Variants in RIPOR1 observed in about 807,000 individuals in gnomAD.
The protein encoded by RIPOR1 is RHO family interacting cell polarization regulator 1.
In RIPOR1, 58 loss-of-function variants were observed where a neutral mutation model predicts 116.5. That is an observed-to-expected ratio of 0.50 (90% confidence interval 0.40 to 0.62). The LOEUF is 0.62. RIPOR1 is among the 20% of genes least tolerant of loss of function. The pLI, the probability that RIPOR1 is intolerant of heterozygous loss-of-function variation, is 0.00. For synonymous variants in RIPOR1, 605 were observed against 650.0 expected, an observed-to-expected ratio of 0.93 and a Z score of 1.05; for missense variants, 1,372 against 1,586.2, an observed-to-expected ratio of 0.86 and a Z score of 2.29.
chr16:67,537,416 G>A lies in RIPOR1; in HGVS notation c.-23-1008G>A, dbSNP rs2050822017. On this transcript the variant is annotated intron_variant, in intron 1 of 21. Transcript: ENST00000042381. This position sits in a 1 kb window ranked among gnomAD's most constrained non-coding sequence, Gnocchi z 4.6. The stretch of plus-strand genomic sequence containing the variant: ...CGGTCCCGCCCCATCCAGGCGGGCT[G>A]AGTCAGGCGGCAGGAACTGGGCGGG... 8.1e-7 allele frequency: 1 copy of A among 1,239,974 alleles called. No homozygotes were observed. The highest frequency in any genetic ancestry group is 1.0e-6 in the Non-Finnish European group (1 of 991,630). 76.8% of individuals were successfully genotyped at this position (1,239,974 alleles called of 1,614,324 possible). A position where few individuals can be genotyped will look rare whatever the true frequency, so the allele number is the denominator to read the frequency against.
At chr16:67,518,873 A>G (rs376385610) in intron 1 of RIPOR1, among the ~76,000 whole-genome samples, 23 of 152,316 alleles carry the variant, frequency 1.5e-4, no homozygotes, top group Admixed American at 7.2e-4. Context: ...TGTAAGAGAG[A>G]AGGAGAGGTT....
chr16:67,543,504 G>A lies in RIPOR1; in HGVS notation c.2600+35G>A. The A allele has an allele frequency of 6.5e-7, 1 of 1,544,638 alleles. No individual in the cohort carries two copies. The highest frequency in any genetic ancestry group is 8.7e-7 in the Non-Finnish European group (1 of 1,146,746). ...CTAGGCAAGATGGGTGTGAGGCTAGGTGAGAGGGAAAAGGTGAGGCAGGAC... is the reference window on the plus strand; with the variant it reads ...CTAGGCAAGATGGGTGTGAGGCTAGATGAGAGGGAAAAGGTGAGGCAGGAC... On this transcript the variant is annotated intron_variant, in intron 14 of 21. Coordinates refer to ENST00000042381, the MANE Select transcript of RIPOR1 (RefSeq NM_024519.4). This position sits in a 1 kb window ranked among gnomAD's most constrained non-coding sequence, Gnocchi z 4.7.
At position 67,544,507 on chromosome 16, in the gene RIPOR1, C is replaced by T; in HGVS notation, c.2733+76C>T. ...GGAGTCCTGCCCTTCCATCCTGGTC[C>T]TCTATACCTCCTCTGAGTGCCACAC... On this transcript the variant is annotated intron_variant, in intron 15 of 21. Transcript: ENST00000042381. The surrounding 1 kb of genome is among the most constrained non-coding windows in gnomAD (Gnocchi z 5.1). 1 of 1,552,822 alleles carries T rather than the reference C, an allele frequency of 6.4e-7. No individual in the cohort carries two copies. Among genetic ancestry groups the T allele is most frequent in the Non-Finnish European group, 8.7e-7 (1 of 1,147,438 alleles).
In RIPOR1 at chr16:67,539,846, C is replaced by A; in HGVS notation, c.361C>A (p.Gln121Lys). ...RLGFLYDLDK[Q>K]VKSIERFLRR... ...CCCTCCTGACCCACCTCTCCCCCAG[C>A]AAGTCAAGTCCATTGAACGCTTCCT... The change falls in exon 6 of 22, where the codon CAA (glutamine) becomes AAA (lysine). Residue 121 changes from glutamine to lysine, a missense_variant and splice_region_variant. By Grantham distance (53) the Gln-to-Lys change is moderately conservative. Coordinates refer to ENST00000042381, the MANE Select transcript of RIPOR1 (RefSeq NM_024519.4). The A allele has an allele frequency of 1.9e-6, 3 of 1,614,210 alleles. No homozygotes were observed. Among genetic ancestry groups the A allele is most frequent in the Non-Finnish European group, 2.5e-6 (3 of 1,180,032 alleles).
Position 67,543,227 on chromosome 16 carries a change from TG to T in RIPOR1, c.2443del (p.Glu815SerfsTer4). On this transcript the variant is annotated frameshift_variant, in exon 13 of 22. Coordinates refer to ENST00000042381, the MANE Select transcript of RIPOR1 (RefSeq NM_024519.4). LOFTEE classifies it high-confidence loss of function. This position sits in a 1 kb window ranked among gnomAD's most constrained non-coding sequence, Gnocchi z 4.7. ...YRGQFPELQG[L>X]EQEVTRLESL... ...GGCCAGTTTCCTGAGCTGCAGGGCC[TG>T]GAGCAGGAGGTGACCCGCCTAGAAA... 1 of 1,579,846 alleles carries T rather than the reference TG, an allele frequency of 6.3e-7. No individual in the cohort carries two copies. Among genetic ancestry groups the T allele is most frequent in the South Asian group, 1.2e-5 (1 of 85,630 alleles).
rs2050622243 is a variant in RIPOR1 at position 67,530,246 on chromosome 16, CG to C, written c.-24+1337del. Among the ~76,000 whole-genome samples, 2 of 152,122 alleles carry C rather than the reference CG, an allele frequency of 1.3e-5. No individual in the cohort carries two copies. The highest frequency in any genetic ancestry group is 4.1e-4 in the South Asian group (2 of 4,828). On this transcript the variant is annotated intron_variant, in intron 1 of 21. Coordinates refer to ENST00000042381, the MANE Select transcript of RIPOR1 (RefSeq NM_024519.4). The surrounding 1 kb of genome is among the most constrained non-coding windows in gnomAD (Gnocchi z 4.5). ...GACTCAGCCCTGGCCAGGCCCGGCCCGGGGGAGGCCGCCTGGCTCCCAGCGC... is the reference window on the plus strand; with the variant it reads ...GACTCAGCCCTGGCCAGGCCCGGCCCGGGGAGGCCGCCTGGCTCCCAGCGC...
Position 67,544,530 on chromosome 16 carries a change from C to T in RIPOR1, c.2733+99C>T. ...TCCTCTATACCTCCTCTGAGTGCCA[C>T]ACCCCAGTGCCCCAGGGCCCTTGGC... is the stretch of plus-strand genomic sequence containing the variant. On this transcript the variant is annotated intron_variant, in intron 15 of 21. Transcript: ENST00000042381. The surrounding 1 kb of genome is among the most constrained non-coding windows in gnomAD (Gnocchi z 5.1). 2 of 1,533,508 alleles carry T rather than the reference C, an allele frequency of 1.3e-6. No homozygotes were observed. Among genetic ancestry groups the T allele is most frequent in the African/African-American group, 2.7e-5 (2 of 73,868 alleles). The allele number at this position is 1,533,508 out of a possible 1,614,324, so 95.0% of individuals were successfully genotyped here.
rs2050823255 is a variant in RIPOR1, at chr16:67,537,443, G to T, written c.-23-981G>T. Reference sequence around the variant, plus strand: ...GTCAGGCGGCAGGAACTGGGCGGGGGGCGGCGCCGGGAGGAGCCGAAGCCG... The same window carrying T: ...GTCAGGCGGCAGGAACTGGGCGGGGTGCGGCGCCGGGAGGAGCCGAAGCCG... On this transcript the variant is annotated intron_variant, in intron 1 of 21. Coordinates refer to ENST00000042381, the MANE Select transcript of RIPOR1 (RefSeq NM_024519.4). This position sits in a 1 kb window ranked among gnomAD's most constrained non-coding sequence, Gnocchi z 4.6. 2.4e-6 allele frequency: 3 copies of T among 1,242,798 alleles called. No homozygotes were observed. The highest frequency in any genetic ancestry group is 6.4e-5 in the East Asian group (2 of 31,180). 77.0% of individuals were successfully genotyped at this position (1,242,798 alleles called of 1,614,324 possible).
intron 1 of RIPOR1, among the ~76,000 whole-genome samples, chr16:67,520,132 C>A (rs1324919735): frequency 6.7e-6 from 1 of 148,792 alleles, no homozygotes; most frequent in Non-Finnish European, 1.5e-5. Context: ...GATCCCAGCA[C>A]TTTGGGAGGC....
upstream of RIPOR1, among the ~76,000 whole-genome samples, chr16:67,526,583 C>T (rs2050541682): frequency 6.6e-6 from 1 of 152,176 alleles, no homozygotes; most frequent in Non-Finnish European, 1.5e-5. Context: ...CTTGCTCATT[C>T]AACAAATATT....
In RIPOR1 at chr16:67,537,393, G is replaced by C. The variant is rs974512537; in HGVS notation, c.-23-1031G>C. The C allele has an allele frequency of 9.7e-6, 12 of 1,237,144 alleles. No homozygotes were observed. Among genetic ancestry groups the C allele is most frequent in the Non-Finnish European group, 1.2e-5 (12 of 990,454 alleles). The allele number at this position is 1,237,144 out of a possible 1,614,324, so 76.6% of individuals were successfully genotyped here. Reference sequence around the variant, plus strand: ...TCCCCGAGGGGAACCCCAGTCACCGGTCCCGCCCCATCCAGGCGGGCTGAG... The same window carrying C: ...TCCCCGAGGGGAACCCCAGTCACCGCTCCCGCCCCATCCAGGCGGGCTGAG... On this transcript the variant is annotated intron_variant, in intron 1 of 21. Transcript: ENST00000042381. This position sits in a 1 kb window ranked among gnomAD's most constrained non-coding sequence, Gnocchi z 4.6.
chr16:67,534,207 T>G (rs937362493), intron 1 of RIPOR1, among the ~76,000 whole-genome samples: 1 of 151,722 alleles, frequency 6.6e-6, no homozygotes, highest in African/African-American at 2.4e-5. Context: ...CTCAGCTCAC[T>G]GCCTCCTGGG....
In RIPOR1 at chr16:67,542,878, C is replaced by G; in HGVS notation, c.2092C>G (p.Leu698Val). The G allele has an allele frequency of 6.2e-7, 1 of 1,613,120 alleles. No homozygotes were observed. Among genetic ancestry groups the G allele is most frequent in the Non-Finnish European group, 8.5e-7 (1 of 1,179,440 alleles). The change falls in exon 13 of 22, where the codon CTC becomes GTC. Residue 698 changes from leucine (L) to valine (V), a missense_variant. By Grantham distance (32) the Leu-to-Val change is conservative. This residue lies in a region of RIPOR1 where 1,005 missense variants were observed against 1,144.7 expected (regional missense o/e 0.88). Coordinates refer to ENST00000042381, the MANE Select transcript of RIPOR1 (RefSeq NM_024519.4). The surrounding 1 kb of genome is among the most constrained non-coding windows in gnomAD (Gnocchi z 4.6). ...CCCCTCCAAACACTCAGACCCCACC[C>G]TCCCAGGCACTGACTCCCTTCCCTG... ...SSPSKHSDPT[L>V]PGTDSLPCSP... is the part of the protein sequence containing the mutation.
rs2051065799 is a variant in RIPOR1, at chr16:67,543,510, G to A, written c.2600+41G>A. On this transcript the variant is annotated intron_variant, in intron 14 of 21. Transcript: ENST00000042381. The surrounding 1 kb of genome is among the most constrained non-coding windows in gnomAD (Gnocchi z 4.7). The stretch of plus-strand genomic sequence containing the variant: ...AAGATGGGTGTGAGGCTAGGTGAGA[G>A]GGAAAAGGTGAGGCAGGACCAGGGG... 2 of 1,543,190 alleles carry A rather than the reference G, an allele frequency of 1.3e-6. No individual in the cohort carries two copies. Among genetic ancestry groups the A allele is most frequent in the Non-Finnish European group, 1.7e-6 (2 of 1,146,622 alleles).
At position 67,529,752 on chromosome 16, in the gene RIPOR1, C is replaced by G; in HGVS notation, c.-24+838C>G. Reference sequence around the variant, plus strand: ...AGCCTCGTGTAACAATACTTGTGCCCTGGCTGCAGTCTGCGGGGCCGCGCC... The same window carrying G: ...AGCCTCGTGTAACAATACTTGTGCCGTGGCTGCAGTCTGCGGGGCCGCGCC... On this transcript the variant is annotated intron_variant, in intron 1 of 21. Coordinates refer to ENST00000042381, the MANE Select transcript of RIPOR1 (RefSeq NM_024519.4). The surrounding 1 kb of genome is among the most constrained non-coding windows in gnomAD (Gnocchi z 4.1). The G allele has an allele frequency of 6.5e-7, 1 of 1,534,332 alleles. No homozygotes were observed. Among genetic ancestry groups the G allele is most frequent in the Non-Finnish European group, 8.7e-7 (1 of 1,146,516 alleles).
chr16:67,538,056 G>A (rs1474638273), intron 1 of RIPOR1: 11 of 222,868 alleles, frequency 4.9e-5, no homozygotes, highest in Non-Finnish European at 8.8e-6. Flanking sequence ...GCAGGGCTGG[G>A]GAGGCTGCCC....
In RIPOR1 at chr16:67,538,748, G is replaced by A. The variant is rs149487364; in HGVS notation, c.181G>A (p.Val61Met). The A allele has an allele frequency of 3.1e-6, 5 of 1,613,422 alleles. No individual in the cohort carries two copies. Among genetic ancestry groups the A allele is most frequent in the African/African-American group, 2.7e-5 (2 of 75,050 alleles). ...CTCCCGAGTGTCCAGGATGTTTTCC[G>A]TGGCTCACCCAGCCGCCAAGGTGCC... Reference protein sequence around the residue: ...ALSRVSRMFSVAHPAAKVPQP... With the variant: ...ALSRVSRMFSMAHPAAKVPQP... The change falls in exon 3 of 22, where the codon GTG (valine) becomes ATG (methionine). Residue 61 changes from valine (V) to methionine (M), a missense_variant. By Grantham distance (21) the Val-to-Met change is conservative (BLOSUM62 1). Transcript: ENST00000042381.
At position 67,545,762 on chromosome 16, in the gene RIPOR1, G is replaced by A. The variant is rs1247472140; in HGVS notation, c.3289G>A (p.Ala1097Thr). 4 of 1,612,584 alleles carry A rather than the reference G, an allele frequency of 2.5e-6. No individual in the cohort carries two copies. Among genetic ancestry groups the A allele is most frequent in the Non-Finnish European group, 2.5e-6 (3 of 1,179,342 alleles). The change falls in exon 19 of 22, where the codon GCC becomes ACC. Residue 1097 changes from alanine (A) to threonine (T), a missense_variant. By Grantham distance (58) the Ala-to-Thr change is moderately conservative. Transcript: ENST00000042381. The surrounding 1 kb of genome is among the most constrained non-coding windows in gnomAD (Gnocchi z 4.8). Reference protein sequence around the residue: ...EGRLRRDGLRALSSLLVHGNN... With the variant: ...EGRLRRDGLRTLSSLLVHGNN... ...GCGTCTGCGAAGGGACGGGCTGCGG[G>A]CCCTCAGCTCCCTGCTCGTCCATGG...
At position 67,531,923 on chromosome 16, in the gene RIPOR1, G is replaced by T. The variant is rs1487386737; in HGVS notation, c.-24+3009G>T. On this transcript the variant is annotated intron_variant, in intron 1 of 21. Transcript: ENST00000042381. The surrounding 1 kb of genome is among the most constrained non-coding windows in gnomAD (Gnocchi z 4.2). The stretch of plus-strand genomic sequence containing the variant: ...GTTTTGTTTTTTGAGACAGAGTCTC[G>T]CTCTGTCGCCCAGGCTGGAGTGTAG... 1.3e-5 allele frequency among the ~76,000 whole-genome samples: 2 copies of T among 152,068 alleles called. No individual in the cohort carries two copies. Among genetic ancestry groups the T allele is most frequent in the East Asian group, 1.9e-4 (1 of 5,194 alleles).
Sources: gnomAD v4.1 joint callset for allele counts (sites outside exome capture counted in the v4.1 genomes callset) on GRCh38, gnomAD v4.1.1 for gene constraint, gnomAD v4.1.1 regional missense constraint, Gnocchi (gnomAD v3.1) non-coding constraint, MANE v1.5 for transcripts, NCBI Gene and HGNC (gene_info 2026-07-23, HGNC 2026-07-21) for gene names.